ERBB4: variants seen among roughly 807,000 people sequenced by gnomAD.
ERBB4 encodes the protein erb-b2 receptor tyrosine kinase 4.
ERBB4 carries 42 observed loss-of-function variants against 158.0 expected under a neutral mutation model. The ratio of observed to expected loss-of-function variants is 0.27; its 90% CI spans 0.21 to 0.34. ERBB4 has a LOEUF of 0.34. ERBB4 is among the 10% of genes least tolerant of loss of function. ERBB4 has a pLI of 1.00. For missense variants in ERBB4, 1,333 were observed against 1,624.1 expected (o/e 0.82, Z 3.08); for synonymous variants, 583 against 558.7 (o/e 1.04, Z -0.61).
intron 3 of ERBB4, among the ~76,000 whole-genome samples, chr2:211,875,185 C>A (rs921144248): frequency 6.6e-6 from 1 of 151,580 alleles, no homozygotes; most frequent in African/African-American, 2.4e-5. Context: ...GCAAATTCCC[C>A]TTGAGATATC....
At chr2:211,821,442 T>C (rs547531234) in intron 3 of ERBB4, among the ~76,000 whole-genome samples, 4 of 152,074 alleles carry the variant, frequency 2.6e-5, no homozygotes, top group Admixed American at 2.6e-4. Flanking sequence ...ATGACCATAC[T>C]ATCTAAAGCA....
In ERBB4 at chr2:211,596,858, G is replaced by A. The variant is rs183202849; in HGVS notation, c.2301+22319C>T. ...AGGCTCACTGCAACCTCCACCTCCC[G>A]GGTTCAAGTGATTCTCCTGTCTCAG... On this transcript the variant is annotated intron_variant, in intron 19 of 27. Coordinates refer to ENST00000342788, the MANE Select transcript of ERBB4 (RefSeq NM_005235.3). Among the ~76,000 whole-genome samples, 11 of 151,910 alleles carry A rather than the reference G, an allele frequency of 7.2e-5. No individual in the cohort carries two copies. In the East Asian group the frequency reaches 9.7e-4, roughly 13 times the overall value.
intron 2 of ERBB4, among the ~76,000 whole-genome samples, chr2:211,978,384 G>GTCTA (rs1452551932): frequency 8.2e-6 from 1 of 121,940 alleles, no homozygotes; most frequent in Non-Finnish European, 1.7e-5. Context: ...CTGTCTGTCT[G>GTCTA]TCTGTCTGTC....
chr2:212,215,476 G>T (rs981051126), intron 1 of ERBB4, among the ~76,000 whole-genome samples: 9 of 151,332 alleles, frequency 5.9e-5, no homozygotes, highest in East Asian at 1.9e-4. Context: ...TGTATAAAAT[G>T]AGTTATGATT....
At chr2:212,230,544 T>G in intron 1 of ERBB4, among the ~76,000 whole-genome samples, 1 of 152,170 alleles carries the variant, frequency 6.6e-6, no homozygotes, top group Non-Finnish European at 1.5e-5. Context: ...ATTTTCGAAG[T>G]AATTACTGTT....
chr2:212,430,686 G>A (rs1053787430), intron 1 of ERBB4, among the ~76,000 whole-genome samples: 1 of 151,982 alleles, frequency 6.6e-6, no homozygotes, highest in Admixed American at 6.6e-5. Flanking sequence ...TTTTATATTC[G>A]AAGAATATTA....
chr2:211,542,742 T>C (rs2066844007), intron 20 of ERBB4, among the ~76,000 whole-genome samples: 1 of 152,038 alleles, frequency 6.6e-6, no homozygotes, highest in East Asian at 1.9e-4. Flanking sequence ...GATTTCCCTT[T>C]AAATAAACAA....
intron 19 of ERBB4, among the ~76,000 whole-genome samples, chr2:211,601,765 A>G (rs919496463): frequency 1.1e-4 from 17 of 152,112 alleles, no homozygotes; most frequent in African/African-American, 4.1e-4. Flanking sequence ...ATTCTGAAAG[A>G]AGACAGAAAA....
At chr2:211,603,577 G>A (rs1486496969) in intron 19 of ERBB4, among the ~76,000 whole-genome samples, 1 of 152,172 alleles carries the variant, frequency 6.6e-6, no homozygotes, top group South Asian at 2.1e-4. Flanking sequence ...TATTAATTAA[G>A]TTTTTAGCAG....
intron 1 of ERBB4, among the ~76,000 whole-genome samples, chr2:212,538,174 C>T (rs1169193729): frequency 6.6e-6 from 1 of 152,182 alleles, no homozygotes; most frequent in Non-Finnish European, 1.5e-5. Context: ...AGGGATCCCG[C>T]TTAGGCTCCC....
chr2:212,300,834 A>T (rs2086593098), intron 1 of ERBB4, among the ~76,000 whole-genome samples: 1 of 151,518 alleles, frequency 6.6e-6, no homozygotes, highest in Middle Eastern at 3.2e-3. Context: ...AATATCACTA[A>T]TTCTGTCTGT....
chr2:211,585,347 G>A (rs1179494945), intron 19 of ERBB4, among the ~76,000 whole-genome samples: 28 of 43,362 alleles, frequency 6.5e-4, no homozygotes, highest in Non-Finnish European at 8.0e-4. Flanking sequence ...GCGAGACTCC[G>A]TCTCAAAAAA....
intron 20 of ERBB4, among the ~76,000 whole-genome samples, chr2:211,432,313 G>A (rs941048061): frequency 7.9e-5 from 12 of 152,126 alleles, no homozygotes; most frequent in African/African-American, 2.4e-4. Context: ...ATTATGAACC[G>A]TATACCTGGT....
chr2:212,275,238 T>C (rs2085486499), intron 1 of ERBB4, among the ~76,000 whole-genome samples: 1 of 151,976 alleles, frequency 6.6e-6, no homozygotes, highest in Non-Finnish European at 1.5e-5. Context: ...AACATACGTG[T>C]GTATGTCTCT....
At chr2:211,460,258 G>T (rs1413029235) in intron 20 of ERBB4, among the ~76,000 whole-genome samples, 3 of 151,780 alleles carry the variant, frequency 2.0e-5, no homozygotes, top group Non-Finnish European at 4.4e-5. Flanking sequence ...TTTTTTTTAT[G>T]ATTGAAAATG....
chr2:212,372,083 G>A (rs1366088700), intron 1 of ERBB4, among the ~76,000 whole-genome samples: 3 of 151,872 alleles, frequency 2.0e-5, no homozygotes, highest in African/African-American at 7.3e-5. Context: ...TGAAGAGGCT[G>A]GATGGCAATA....
chr2:211,524,438 G>C lies in ERBB4; in HGVS notation c.2487+37465C>G, dbSNP rs923875355. Among the ~76,000 whole-genome samples, 16 of 150,232 alleles carry C rather than the reference G, an allele frequency of 1.1e-4. 1 individual carries two copies. Among genetic ancestry groups the C allele is most frequent in the African/African-American group, 1.8e-4 (7 of 39,628 alleles). ...TGCCGTGGAGCAGGGGGTGGTGCTC[G>C]TCGGGGAGGCTCGGGCCGCACAGGA... On this transcript the variant is annotated intron_variant, in intron 20 of 27. Transcript: ENST00000342788.
chr2:212,155,429 T>C (rs2081006293), intron 1 of ERBB4, among the ~76,000 whole-genome samples: 1 of 152,102 alleles, frequency 6.6e-6, no homozygotes, highest in Non-Finnish European at 1.5e-5. Flanking sequence ...AAGATGATTC[T>C]AGAACAAGAT....
chr2:212,103,260 G>A (rs2079133932), intron 2 of ERBB4, among the ~76,000 whole-genome samples: 1 of 152,054 alleles, frequency 6.6e-6, no homozygotes, highest in Non-Finnish European at 1.5e-5. Context: ...TGAAAGGGAA[G>A]TCATTTTGAT....
Sources: allele counts gnomAD v4.1 joint callset (sites outside exome capture counted in the v4.1 genomes callset), GRCh38; gene constraint gnomAD v4.1.1; transcripts MANE v1.5; gene names NCBI Gene and HGNC (gene_info 2026-07-23, HGNC 2026-07-21).